The following TRIM60 variants were observed in gnomAD, a reference collection of about 807,000 sequenced individuals.
TRIM60 encodes the protein tripartite motif containing 60.
For synonymous variants in TRIM60, 189 were observed against 195.2 expected, an observed-to-expected ratio of 0.97 and a Z score of 0.27; for missense variants, 524 against 540.8, an observed-to-expected ratio of 0.97 and a Z score of 0.31.
intron 1 of TRIM60, 54 bp from the exon 2 acceptor site, chr4:165,039,147 T>C (rs1324320071): frequency 2.6e-5 from 4 of 151,968 alleles, no homozygotes; most frequent in Non-Finnish European, 4.4e-5. Flanking sequence ...TTATTTTATA[T>C]ATATATTCTG....
intron 1 of TRIM60, among the ~76,000 whole-genome samples, chr4:165,035,605 G>T (rs1030948673): frequency 1.8e-4 from 27 of 152,174 alleles, no homozygotes; most frequent in Admixed American, 1.0e-3. Flanking sequence ...GATCATGCAG[G>T]CTCCTTCCTA....
At position 165,040,449 on chromosome 4, in the gene TRIM60, A is replaced by G. The variant is rs372649743; in HGVS notation, c.377A>G (p.Gln126Arg). ...CTQCSFSTKH[Q>R]KHYICPIKKA... is the part of the protein sequence containing the mutation. ...CAGTGCAGTTTCTCCACTAAACACC[A>G]GAAGCACTACATTTGCCCTATTAAG... The change falls in exon 3 of 3, where the codon CAG becomes CGG. Residue 126 changes from glutamine (Q) to arginine (R), a missense_variant. Transcript: ENST00000512596. 2 of 1,614,234 alleles carry G rather than the reference A, an allele frequency of 1.2e-6. No individual in the cohort carries two copies. The highest frequency in any genetic ancestry group is 2.2e-5 in the South Asian group (2 of 91,088).
In TRIM60 at chr4:165,040,528, G is replaced by A. The variant is rs757204538; in HGVS notation, c.456G>A (p.Arg152=). The stretch of plus-strand genomic sequence containing the variant: ...TAGAAGGTAGCCTTGAGCCCTTGAG[G>A]AATAATATAGAACGAGTTGAAAAAG... ...EILEGSLEPL[R]NNIERVEKVI... is the part of the protein sequence containing the mutation. The change falls in exon 3 of 3, where the codon AGG becomes AGA. Residue 152 remains arginine, a synonymous_variant. Transcript: ENST00000512596. 1.9e-6 allele frequency: 3 copies of A among 1,613,866 alleles called. No individual in the cohort carries two copies. The highest frequency in any genetic ancestry group is 1.3e-5 in the African/African-American group (1 of 74,874).
chr4:165,037,449 G>A (rs1248921368), intron 1 of TRIM60, among the ~76,000 whole-genome samples: 1 of 151,876 alleles, frequency 6.6e-6, no homozygotes, highest in African/African-American at 2.4e-5. Context: ...TCAGTCTCCT[G>A]AGTAGCTGGG....
Position 165,040,317 on chromosome 4 carries a change from A to C in TRIM60, c.245A>C (p.Gln82Pro). The change falls in exon 3 of 3, where the codon CAG (glutamine) becomes CCG (proline). Residue 82 changes from glutamine to proline, a missense_variant. Gln to Pro is a moderately conservative substitution (Grantham distance 76, BLOSUM62 -1). Transcript: ENST00000512596. The stretch of plus-strand genomic sequence containing the variant: ...TTGACTGAAATTGCTAAACAACTCC[A>C]GATTAGGAGGAGCAAGAGAAAGAGG... Reference protein sequence around the residue: ...RNLTEIAKQLQIRRSKRKRQK... With the variant: ...RNLTEIAKQLPIRRSKRKRQK... The C allele has an allele frequency of 6.2e-7, 1 of 1,614,234 alleles. No homozygotes were observed. The highest frequency in any genetic ancestry group is 1.1e-5 in the South Asian group (1 of 91,090).
Position 165,041,162 on chromosome 4 carries a change from T to C in TRIM60, c.1090T>C (p.Leu364=), listed in dbSNP as rs201282950. 3.1e-6 allele frequency: 5 copies of C among 1,614,164 alleles called. No individual in the cohort carries two copies. The highest frequency in any genetic ancestry group is 1.3e-5 in the African/African-American group (1 of 75,048). The change falls in exon 3 of 3, where the codon TTG becomes CTG. Residue 364 remains leucine, a synonymous_variant. Transcript: ENST00000512596. The part of the protein sequence containing the change: ...VEVGNKPKWI[L]GVCQDCLLRN... ...AGTGGGAAACAAACCTAAATGGATATTGGGTGTGTGTCAAGACTGTCTTCT... is the reference window on the plus strand; with the variant it reads ...AGTGGGAAACAAACCTAAATGGATACTGGGTGTGTGTCAAGACTGTCTTCT...
chr4:165,032,232 C>G (rs915241714), intron 1 of TRIM60, 120 bp downstream of exon 1: 1 of 152,326 alleles, frequency 6.6e-6, no homozygotes, highest in Non-Finnish European at 1.5e-5. Context: ...CTGTCCACGA[C>G]TGAGCTCAGA....
chr4:165,034,206 G>T (rs1034014113), intron 1 of TRIM60, among the ~76,000 whole-genome samples: 1 of 151,150 alleles, frequency 6.6e-6, no homozygotes, highest in African/African-American at 2.4e-5. Flanking sequence ...AGGATGGAGT[G>T]CAGTGGCGTG....
Position 165,040,466 on chromosome 4 carries a change from C to T in TRIM60, c.394C>T (p.Pro132Ser), listed in dbSNP as rs1733730896. 1 of 1,614,008 alleles carries T rather than the reference C, an allele frequency of 6.2e-7. No individual in the cohort carries two copies. Among genetic ancestry groups the T allele is most frequent in the Admixed American group, 1.7e-5 (1 of 60,002 alleles). ...STKHQKHYICPIKKAASYHRE... is the reference protein window; with the variant it reads ...STKHQKHYICSIKKAASYHRE... ...TAAACACCAGAAGCACTACATTTGC[C>T]CTATTAAGAAAGCTGCCTCTTATCA... Residue 132 changes from proline to serine, a missense_variant, in exon 3 of 3, where the codon CCT becomes TCT. Transcript: ENST00000512596.
Position 165,040,586 on chromosome 4 carries a change from C to G in TRIM60, c.514C>G (p.Leu172Val), listed in dbSNP as rs1272185864. The part of the protein sequence containing the change: ...IILQGSKSVE[L>V]KKKVEYKREE... ...TCTGCAAGGCAGCAAATCAGTGGAG[C>G]TGAAAAAGAAGGTAGAATATAAGAG... Residue 172 changes from leucine to valine, a missense_variant, in exon 3 of 3, where the codon CTG becomes GTG. Leu to Val is a conservative substitution (Grantham distance 32). Coordinates refer to ENST00000512596, the MANE Select transcript of TRIM60 (RefSeq NM_152620.3). The G allele has an allele frequency of 1.9e-6, 3 of 1,613,830 alleles. No individual in the cohort carries two copies. The highest frequency in any genetic ancestry group is 1.7e-6 in the Non-Finnish European group (2 of 1,180,012).
intron 1 of TRIM60, among the ~76,000 whole-genome samples, chr4:165,033,016 C>A (rs923559106): frequency 2.0e-5 from 3 of 149,300 alleles, no homozygotes; most frequent in African/African-American, 7.6e-5. Flanking sequence ...TAGTGAGACC[C>A]CTGTCTCTAC....
rs139582966 is a variant in TRIM60 at position 165,040,832 on chromosome 4, A to C, written c.760A>C (p.Ser254Arg). The C allele has an allele frequency of 1.5e-4, 235 of 1,614,166 alleles. 2 individuals are homozygous for C. In the African/African-American group the frequency reaches 2.7e-3, roughly 18 times the overall value. The change falls in exon 3 of 3, where the codon AGT becomes CGT. Residue 254 changes from serine (S) to arginine (R), a missense_variant. Physicochemically the swap from Ser to Arg is moderately radical, Grantham distance 110. Coordinates refer to ENST00000512596, the MANE Select transcript of TRIM60 (RefSeq NM_152620.3). ...CCTGGAATTACTGACACAAGCTAAG[A>C]GTATGCACCACAAGTATCAAAACCT... ...SNLELLTQAK[S>R]MHHKYQNLKC...
chr4:165,034,028 T>C (rs958180393), intron 1 of TRIM60, among the ~76,000 whole-genome samples: 3 of 152,188 alleles, frequency 2.0e-5, no homozygotes, highest in Non-Finnish European at 2.9e-5. Flanking sequence ...TGCTGTTCTT[T>C]AAACTTCATT....
intron 1 of TRIM60, among the ~76,000 whole-genome samples, chr4:165,034,156 CTT>C (rs10708866): frequency 4.4e-4 from 64 of 144,388 alleles, no homozygotes; most frequent in African/African-American, 1.1e-3. Flanking sequence ...ATGAAATACA[CTT>C]TTTTTTTTTT....
rs1733745741 is a variant in TRIM60 at position 165,040,897 on chromosome 4, T to G, written c.825T>G (p.Tyr275Ter). Residue 275 changes from tyrosine to a stop codon, truncating the protein, a stop_gained, in exon 3 of 3, where the codon TAT (tyrosine) becomes TAG (stop). Transcript: ENST00000512596. LOFTEE classifies it low-confidence loss of function (END_TRUNC). ...TCTTTTCATTTAGATTAACAAAATA[T>G]GGTTTCAGTCTTCCTCCTCAATATT... is the stretch of plus-strand genomic sequence containing the variant. ...PELFSFRLTKYGFSLPPQYSG... is the reference protein window; with the variant it reads ...PELFSFRLTK The G allele has an allele frequency of 1.9e-6, 3 of 1,612,656 alleles. No homozygotes were observed. The highest frequency in any genetic ancestry group is 2.5e-6 in the Non-Finnish European group (3 of 1,179,242).
chr4:165,034,675 G>A (rs1733581309), intron 1 of TRIM60, among the ~76,000 whole-genome samples: 1 of 152,086 alleles, frequency 6.6e-6, no homozygotes, highest in Non-Finnish European at 1.5e-5. Context: ...TTGGAAGGTG[G>A]GAAGAGTTAA....
chr4:165,037,073 T>G (rs1462863648), intron 1 of TRIM60, among the ~76,000 whole-genome samples: 1 of 150,698 alleles, frequency 6.6e-6, no homozygotes, highest in Non-Finnish European at 1.5e-5. Flanking sequence ...CGTGGTGGTG[T>G]GTGCCTGTAG....
rs1442157303 is a variant in TRIM60, at chr4:165,041,554, CTGGACTCTTTA to C, written c.*67_*77del. On this transcript the variant is annotated 3_prime_UTR_variant, in exon 3 of 3. Transcript: ENST00000512596. Reference sequence around the variant, plus strand: ...TTAGCCAGTAAATTTAATCTCATTTCTGGACTCTTTAAGTTTTACCACTGAAAACCAGAGTC... The same window carrying C: ...TTAGCCAGTAAATTTAATCTCATTTCAGTTTTACCACTGAAAACCAGAGTC... 21 of 1,210,158 alleles carry C rather than the reference CTGGACTCTTTA, an allele frequency of 1.7e-5. No individual in the cohort carries two copies. The highest frequency in any genetic ancestry group is 2.4e-5 in the Non-Finnish European group (21 of 885,884). The allele number at this position is 1,210,158 out of a possible 1,614,324, so 75.0% of individuals were successfully genotyped here. A position where few individuals can be genotyped will look rare whatever the true frequency, so the allele number is the denominator to read the frequency against.
intron 1 of TRIM60, among the ~76,000 whole-genome samples, chr4:165,032,629 G>A (rs957182286): frequency 1.5e-4 from 23 of 152,132 alleles, no homozygotes; most frequent in African/African-American, 4.6e-4. Flanking sequence ...ACCAGTTTGG[G>A]AAGTGGCCAC....
Sources: allele counts gnomAD v4.1 joint callset (sites outside exome capture counted in the v4.1 genomes callset), GRCh38; gene constraint gnomAD v4.1.1; transcripts MANE v1.5; gene names NCBI Gene and HGNC (gene_info 2026-07-23, HGNC 2026-07-21).